Variants in PCNX2 observed in about 807,000 individuals in gnomAD.
The protein encoded by PCNX2 is pecanex-like protein 2.
In PCNX2, 168 loss-of-function variants were observed where a neutral mutation model predicts 223.8. The ratio of observed to expected loss-of-function variants is 0.75; its 90% CI spans 0.66 to 0.85. The LOEUF is 0.85. PCNX2 is among the 40% of genes least tolerant of loss of function. The pLI, the probability that PCNX2 is intolerant of heterozygous loss-of-function variation, is 0.00. For missense variants in PCNX2, 2,507 were observed against 2,675.5 expected, an observed-to-expected ratio of 0.94 and a Z score of 1.39; for synonymous variants, 1,006 against 1,052.6, an observed-to-expected ratio of 0.96 and a Z score of 0.86.
intron 21 of PCNX2, among the ~76,000 whole-genome samples, chr1:233,122,487 C>T (rs1675858114): frequency 6.6e-6 from 1 of 151,256 alleles, no homozygotes; most frequent in Non-Finnish European, 1.5e-5. Context: ...TCATGCTTAA[C>T]ATTAATGGTA....
At chr1:233,184,719 T>C (rs1679992215) in intron 15 of PCNX2, among the ~76,000 whole-genome samples, 1 of 152,134 alleles carries the variant, frequency 6.6e-6, no homozygotes, top group South Asian at 2.1e-4. Context: ...ACTAATAGCT[T>C]TGGGGTAAAT....
rs535392150 is a variant in PCNX2 at position 232,992,561 on chromosome 1, G to A, written c.5791+5690C>T. ...GGACATTCGAAGCAGCATCCCTGGG[G>A]CCAGGACAATGGGATGGTGCAAGGT... is the stretch of plus-strand genomic sequence containing the variant. On this transcript the variant is annotated intron_variant, in intron 32 of 33. Transcript: ENST00000258229. Among the ~76,000 whole-genome samples, 3 of 152,270 alleles carry A rather than the reference G, an allele frequency of 2.0e-5. No homozygotes were observed. In the East Asian group the frequency reaches 5.8e-4, roughly 29 times the overall value.
At chr1:233,233,057 G>C in intron 9 of PCNX2, 1 of 982,332 alleles carries the variant, frequency 1.0e-6, no homozygotes, top group Non-Finnish European at 1.2e-6. Context: ...CTGCCCTTGG[G>C]TAGACTGCAC....
At chr1:233,125,767 G>C (rs1055449846) in intron 21 of PCNX2, 5 of 152,276 alleles carry the variant, frequency 3.3e-5, no homozygotes, top group African/African-American at 1.2e-4. Context: ...TATAAATGTA[G>C]AACTGCTAGT....
At chr1:232,987,720 G>T (rs956284561) in intron 32 of PCNX2, among the ~76,000 whole-genome samples, 5 of 152,142 alleles carry the variant, frequency 3.3e-5, no homozygotes, top group African/African-American at 1.2e-4. Flanking sequence ...AATTCCTTAG[G>T]GATACACATT....
At chr1:233,102,092 T>C (rs929516924) in intron 21 of PCNX2, among the ~76,000 whole-genome samples, 2 of 113,540 alleles carry the variant, frequency 1.8e-5, no homozygotes, top group South Asian at 2.6e-4. Context: ...TTTTTCTTTT[T>C]TTTTTTTTTT....
chr1:233,247,328 A>G (rs1282723756), intron 8 of PCNX2, among the ~76,000 whole-genome samples: 2 of 152,220 alleles, frequency 1.3e-5, no homozygotes, highest in African/African-American at 2.4e-5. Context: ...ACCACATAAC[A>G]AAGTCCCCTC....
At position 233,145,208 on chromosome 1, in the gene PCNX2, C is replaced by T. The variant is rs117565367; in HGVS notation, c.3518-5353G>A. Among the ~76,000 whole-genome samples, 302 of 152,168 alleles carry T rather than the reference C, an allele frequency of 2.0e-3. 5 individuals are homozygous for T. In the East Asian group the frequency reaches 0.043, roughly 21 times the overall value. On this transcript the variant is annotated intron_variant, in intron 19 of 33. Coordinates refer to ENST00000258229, the MANE Select transcript of PCNX2 (RefSeq NM_014801.4). ...GTCTCAACCTCCTGACCTTGTGATTCGCCTGCTTCGGACTCCCAAAGTGTT... is the reference window on the plus strand; with the variant it reads ...GTCTCAACCTCCTGACCTTGTGATTTGCCTGCTTCGGACTCCCAAAGTGTT...
chr1:233,005,068 C>T (rs894624776), intron 28 of PCNX2, among the ~76,000 whole-genome samples: 14 of 152,182 alleles, frequency 9.2e-5, no homozygotes, highest in African/African-American at 3.1e-4. Context: ...GAATAATGAC[C>T]GCTACCTGCT....
At chr1:233,200,313 C>T in intron 13 of PCNX2, 49 bp from the exon 14 acceptor site, 1 of 1,359,330 alleles carries the variant, frequency 7.4e-7, no homozygotes. Flanking sequence ...AACTGTGTTG[C>T]CAAGGCTCCT....
chr1:233,081,361 A>G (rs1269385442), intron 23 of PCNX2, among the ~76,000 whole-genome samples: 1 of 152,152 alleles, frequency 6.6e-6, no homozygotes, highest in Non-Finnish European at 1.5e-5. Context: ...TAAAAAAATA[A>G]AAATAAATAA....
At position 233,270,930 on chromosome 1, in the gene PCNX2, T is replaced by C. The variant is rs527361264; in HGVS notation, c.154-7767A>G. Among the ~76,000 whole-genome samples the C allele has an allele frequency of 2.6e-5, 4 of 152,350 alleles. No homozygotes were observed. The South Asian group carries it at 8.3e-4, about 32-fold the overall frequency. On this transcript the variant is annotated intron_variant, in intron 1 of 33. Transcript: ENST00000258229. ...TGAGAATCATTGTAGACTTACTCAC[T>C]TTGAAAATTATTTAAAAAGCTGCAC...
chr1:233,181,761 T>C (rs1572032967), intron 15 of PCNX2, among the ~76,000 whole-genome samples: 1 of 152,178 alleles, frequency 6.6e-6, no homozygotes, highest in Admixed American at 6.5e-5. Context: ...TCTCACATGG[T>C]AGAAGATGCA....
rs189066546 is a variant in PCNX2 at position 233,126,284 on chromosome 1, C to T, written c.3837+8729G>A. 3.3e-5 allele frequency: 5 copies of T among 152,110 alleles called. No homozygotes were observed. In the East Asian group the frequency reaches 7.7e-4, roughly 23 times the overall value. 9.4% of individuals were successfully genotyped at this position (152,110 alleles called of 1,614,324 possible). On this transcript the variant is annotated intron_variant, in intron 21 of 33. Coordinates refer to ENST00000258229, the MANE Select transcript of PCNX2 (RefSeq NM_014801.4). The surrounding 1 kb of genome is among the most constrained non-coding windows in gnomAD (Gnocchi z 4.8). The stretch of plus-strand genomic sequence containing the variant: ...CTGTGGTTTGTGACCCAAGAAGTCC[C>T]AAGTACCACAGAAAAGCTTGGAAAC...
chr1:233,260,130 T>C lies in PCNX2; in HGVS notation c.518-786A>G, dbSNP rs148731594. ...ACTAGGATGGTATCTTTTATAAGATTTGACTAAGGAAAAAACAGAATTCTT... is the reference window on the plus strand; with the variant it reads ...ACTAGGATGGTATCTTTTATAAGATCTGACTAAGGAAAAAACAGAATTCTT... On this transcript the variant is annotated intron_variant, in intron 4 of 33. Coordinates refer to ENST00000258229, the MANE Select transcript of PCNX2 (RefSeq NM_014801.4). Among the ~76,000 whole-genome samples the C allele has an allele frequency of 5.0e-3, 763 of 152,284 alleles. 5 individuals carry two copies. Among genetic ancestry groups the C allele is most frequent in the African/African-American group, 0.017 (720 of 41,542 alleles).
At chr1:233,103,019 C>T (rs554134982) in intron 21 of PCNX2, among the ~76,000 whole-genome samples, 1 of 152,096 alleles carries the variant, frequency 6.6e-6, no homozygotes, top group South Asian at 2.1e-4. Context: ...TTATTTAAGT[C>T]TTTAATCTAC....
At chr1:233,035,028 G>A (rs1671403510) in intron 25 of PCNX2, among the ~76,000 whole-genome samples, 2 of 152,130 alleles carry the variant, frequency 1.3e-5, no homozygotes, top group South Asian at 4.1e-4. Flanking sequence ...TCATTTCAGG[G>A]ACAAAGTGAT....
At chr1:233,142,840 C>T (rs1486105047) in intron 19 of PCNX2, among the ~76,000 whole-genome samples, 4 of 152,108 alleles carry the variant, frequency 2.6e-5, no homozygotes, top group Non-Finnish European at 5.9e-5. Context: ...TCACTCTGCC[C>T]TTAGCTTCCC....
intron 23 of PCNX2, chr1:233,087,028 C>A (rs1455771090): frequency 1.0e-6 from 1 of 985,142 alleles, no homozygotes; most frequent in Non-Finnish European, 1.2e-6. Context: ...TGTCATATGC[C>A]CTAGTGAGGC....
Sources: allele counts gnomAD v4.1 joint callset (sites outside exome capture counted in the v4.1 genomes callset), GRCh38; gene constraint gnomAD v4.1.1; non-coding constraint Gnocchi (gnomAD v3.1); transcripts MANE v1.5; gene names NCBI Gene and HGNC (gene_info 2026-07-23, HGNC 2026-07-21).